The following CMSS1 variants were observed in gnomAD, a reference collection of about 807,000 sequenced individuals.
The protein encoded by CMSS1 is cms1 ribosomal small subunit homolog.
In CMSS1, 33 loss-of-function variants were observed where a neutral mutation model predicts 43.5. The ratio of observed to expected loss-of-function variants is 0.76; its 90% CI spans 0.57 to 1.01. The LOEUF is 1.01. Ranked by LOEUF, CMSS1 falls within the 50% of genes least tolerant of loss-of-function variation. The probability of loss-of-function intolerance (pLI) is 0.00; values close to 1 mark genes in which losing one functional copy is unlikely to be tolerated. For missense variants in CMSS1, 313 were observed against 326.4 expected (o/e 0.96, Z 0.32); for synonymous variants, 115 against 117.2 (o/e 0.98, Z 0.12).
chr3:99,898,295 T>C (rs1184391929), intron 1 of CMSS1: 1 of 152,196 alleles, frequency 6.6e-6, no homozygotes, highest in African/African-American at 2.4e-5. Context: ...GCAAACAAAT[T>C]ATACTATATG....
rs140699592 is a variant in CMSS1, at chr3:100,078,953, G to A, written c.65-68020G>A. Among the ~76,000 whole-genome samples the A allele has an allele frequency of 1.6e-3, 237 of 152,220 alleles. 6 individuals carry two copies. Among genetic ancestry groups the A allele is most frequent in the East Asian group, 7.5e-3 (39 of 5,176 alleles). On this transcript the variant is annotated intron_variant, in intron 1 of 9. Transcript: ENST00000421999. ...ATATTTTAAGAAAGTTCACTAATTTGTGTTGGGCCACATTCAAAGCTGTCC... is the reference window on the plus strand; with the variant it reads ...ATATTTTAAGAAAGTTCACTAATTTATGTTGGGCCACATTCAAAGCTGTCC...
chr3:100,127,128 T>A (rs182805090), intron 1 of CMSS1, among the ~76,000 whole-genome samples: 12 of 152,380 alleles, frequency 7.9e-5, no homozygotes. Context: ...TCCAGCATAT[T>A]TGTGGGACTC....
intron 1 of CMSS1, among the ~76,000 whole-genome samples, chr3:99,940,987 G>A (rs779681986): frequency 6.6e-6 from 1 of 152,188 alleles, no homozygotes; most frequent in Non-Finnish European, 1.5e-5. Flanking sequence ...AAGCCATTTG[G>A]CTCCCCTTTC....
intron 1 of CMSS1, among the ~76,000 whole-genome samples, chr3:99,990,359 G>A (rs1044337094): frequency 2.6e-5 from 4 of 152,084 alleles, no homozygotes; most frequent in Non-Finnish European, 4.4e-5. Flanking sequence ...ATATTGATCC[G>A]TTCAATCTCT....
intron 1 of CMSS1, among the ~76,000 whole-genome samples, chr3:99,902,959 T>C (rs974720883): frequency 1.3e-5 from 2 of 152,224 alleles, no homozygotes; most frequent in Non-Finnish European, 2.9e-5. Flanking sequence ...CAAATACTCC[T>C]GTTCACCTAA....
intron 1 of CMSS1, chr3:99,850,824 T>C: frequency 6.2e-7 from 1 of 1,614,218 alleles, no homozygotes; most frequent in Non-Finnish European, 8.5e-7. Flanking sequence ...CCTTCTGCTC[T>C]TCCTCCTGAA....
chr3:100,093,121 A>G (rs2107439196), intron 1 of CMSS1, among the ~76,000 whole-genome samples: 1 of 152,286 alleles, frequency 6.6e-6, no homozygotes, highest in Non-Finnish European at 1.5e-5. Flanking sequence ...AGGTTAGCTC[A>G]TTTTAAACAT....
intron 1 of CMSS1, among the ~76,000 whole-genome samples, chr3:99,983,428 G>GTATGTA (rs1709204359): frequency 1.1e-4 from 5 of 47,158 alleles, no homozygotes; most frequent in Non-Finnish European, 1.9e-4. Flanking sequence ...ATGTATGTAT[G>GTATGTA]TATGTATATA....
At chr3:99,963,562 CT>C (rs936510716) in intron 1 of CMSS1, among the ~76,000 whole-genome samples, 33 of 152,158 alleles carry the variant, frequency 2.2e-4, no homozygotes, top group Middle Eastern at 3.4e-3. Context: ...TCAGAGAAGA[CT>C]TTTAGCACTC....
At chr3:100,126,943 A>T (rs985996570) in intron 1 of CMSS1, among the ~76,000 whole-genome samples, 12 of 151,956 alleles carry the variant, frequency 7.9e-5, no homozygotes, top group Admixed American at 7.9e-4. Context: ...GCTTGCAGTG[A>T]GCCGAGATCT....
intron 2 of CMSS1, among the ~76,000 whole-genome samples, chr3:100,150,198 T>C (rs1287536781): frequency 5.3e-5 from 8 of 152,214 alleles, no homozygotes; most frequent in Admixed American, 3.3e-4. Context: ...CGCATAGAAC[T>C]TGAGTCTCCA....
intron 1 of CMSS1, among the ~76,000 whole-genome samples, chr3:99,959,775 T>C (rs1381910115): frequency 1.1e-4 from 16 of 152,188 alleles, no homozygotes; most frequent in Non-Finnish European, 2.9e-5. Context: ...GATAATTGTA[T>C]AGAAAACAAT....
chr3:99,934,103 C>A (rs1707580509), intron 1 of CMSS1, among the ~76,000 whole-genome samples: 1 of 152,190 alleles, frequency 6.6e-6, no homozygotes. Context: ...GAAGCTAGAC[C>A]AGGCTTCCCC....
intron 1 of CMSS1, among the ~76,000 whole-genome samples, chr3:100,071,518 G>C (rs1272838197): frequency 2.0e-5 from 3 of 152,142 alleles, no homozygotes; most frequent in Non-Finnish European, 4.4e-5. Flanking sequence ...ATGGGAGAAG[G>C]GTGGGGGGCA....
chr3:100,091,240 G>A (rs1406223848), intron 1 of CMSS1, among the ~76,000 whole-genome samples: 1 of 149,632 alleles, frequency 6.7e-6, no homozygotes, highest in Non-Finnish European at 1.5e-5. Flanking sequence ...AGCCGAGATT[G>A]CGCCACTGCA....
chr3:100,076,969 C>G (rs1576027189), intron 1 of CMSS1, among the ~76,000 whole-genome samples: 1 of 152,226 alleles, frequency 6.6e-6, no homozygotes, highest in East Asian at 1.9e-4. Flanking sequence ...CCCAGAAGAC[C>G]CTTTACTGTT....
intron 1 of CMSS1, among the ~76,000 whole-genome samples, chr3:100,106,379 C>T (rs1156657180): frequency 1.3e-5 from 2 of 152,074 alleles, no homozygotes; most frequent in Non-Finnish European, 2.9e-5. Flanking sequence ...TTCCAAGGAC[C>T]CTCCCATCTA....
chr3:99,867,933 G>C (rs771920443), intron 1 of CMSS1, among the ~76,000 whole-genome samples: 2 of 152,126 alleles, frequency 1.3e-5, no homozygotes, highest in African/African-American at 2.4e-5. Context: ...TAAATTCAAA[G>C]TACAATTAAA....
chr3:100,159,254 T>C (rs1396831417), intron 2 of CMSS1, among the ~76,000 whole-genome samples: 1 of 152,242 alleles, frequency 6.6e-6, no homozygotes, highest in Non-Finnish European at 1.5e-5. Flanking sequence ...GAAACTAAAA[T>C]TTCAAGATTT....
Sources: gnomAD v4.1 joint callset for allele counts (sites outside exome capture counted in the v4.1 genomes callset) on GRCh38, gnomAD v4.1.1 for gene constraint, MANE v1.5 for transcripts, NCBI Gene and HGNC (gene_info 2026-07-23, HGNC 2026-07-21) for gene names.